Variants in SLC24A2 observed in about 807,000 individuals in gnomAD.
SLC24A2 encodes solute carrier family 24 member 2.
In SLC24A2, 36 loss-of-function variants were observed where a neutral mutation model predicts 62.0. The observed-to-expected ratio is 0.58, with a 90% CI of 0.44 to 0.77. SLC24A2 has a LOEUF of 0.77. Ranked by LOEUF, SLC24A2 falls within the 30% of genes least tolerant of loss-of-function variation. The pLI is 0.00. For synonymous variants in SLC24A2, 358 were observed against 294.0 expected, an observed-to-expected ratio of 1.22 and a Z score of -2.23; for missense variants, 846 against 817.9, an observed-to-expected ratio of 1.03 and a Z score of -0.42.
At chr9:19,773,889 G>T (rs1297472867) in intron 2 of SLC24A2, among the ~76,000 whole-genome samples, 2 of 152,226 alleles carry the variant, frequency 1.3e-5, no homozygotes, top group Non-Finnish European at 2.9e-5. Context: ...GCAAGGTTTA[G>T]TTTCAGAGAT....
the SLC24A2 span, among the ~76,000 whole-genome samples, chr9:20,289,879 T>C: frequency 1.3e-5 from 2 of 152,252 alleles, no homozygotes; most frequent in Admixed American, 1.3e-4. Context: ...ATTGGAATTT[T>C]TTCCTACGCT....
the SLC24A2 span, among the ~76,000 whole-genome samples, chr9:20,193,373 C>G: frequency 6.6e-6 from 1 of 152,058 alleles, no homozygotes; most frequent in Non-Finnish European, 1.5e-5. Flanking sequence ...ATTCTCCCAG[C>G]TTCCCTTTAA....
At chr9:19,731,541 G>C in intron 2 of SLC24A2, among the ~76,000 whole-genome samples, 1 of 126,954 alleles carries the variant, frequency 7.9e-6, no homozygotes, top group Admixed American at 8.7e-5. Context: ...GTGTGTGTGT[G>C]TGCATGTGTG....
At chr9:20,283,220 C>T in the SLC24A2 span, among the ~76,000 whole-genome samples, 2 of 152,188 alleles carry the variant, frequency 1.3e-5, no homozygotes, top group African/African-American at 4.8e-5. Flanking sequence ...TAGTTATTGG[C>T]CATGTGTATT....
Position 19,786,426 on chromosome 9 carries a change from T to C in SLC24A2, c.441A>G (p.Ile147Met), listed in dbSNP as rs1360613604. The change falls in exon 2 of 11, where the codon ATA becomes ATG. Residue 147 changes from isoleucine (I) to methionine (M), a missense_variant. By Grantham distance (10) the Ile-to-Met change is conservative. Transcript: ENST00000341998. This position sits in a 1 kb window ranked among gnomAD's most constrained non-coding sequence, Gnocchi z 5.0. The part of the protein sequence containing the change: ...LHVIGMIYMF[I>M]ALAIVCDEFF... ...ACTCATCACAGACAATGGCTAAGGC[T>C]ATGAACATGTAGATCATTCCAATGA... 1 of 1,614,170 alleles carries C rather than the reference T, an allele frequency of 6.2e-7. No homozygotes were observed. The highest frequency in any genetic ancestry group is 1.1e-5 in the South Asian group (1 of 91,086).
chr9:20,108,859 T>C, the SLC24A2 span, among the ~76,000 whole-genome samples: 1 of 151,730 alleles, frequency 6.6e-6, no homozygotes, highest in Admixed American at 6.6e-5. Context: ...AATAATAAAA[T>C]TAAGAAAAAA....
chr9:20,054,464 T>G, the SLC24A2 span, among the ~76,000 whole-genome samples: 703 of 152,332 alleles, frequency 4.6e-3, 9 homozygotes, highest in African/African-American at 0.016. Flanking sequence ...AGTGCTGGAA[T>G]TACAGGCGTG....
chr9:20,124,808 A>G, the SLC24A2 span, among the ~76,000 whole-genome samples: 2 of 152,220 alleles, frequency 1.3e-5, no homozygotes, highest in African/African-American at 4.8e-5. Flanking sequence ...AGTATAATCA[A>G]CAGAGGCTTT....
the SLC24A2 span, among the ~76,000 whole-genome samples, chr9:19,901,312 G>C: frequency 1.3e-5 from 2 of 152,152 alleles, no homozygotes; most frequent in Admixed American, 6.5e-5. Context: ...GTACACAGTA[G>C]GCAGCATTGC....
chr9:19,850,978 T>TACATATATATATATATATAC, the SLC24A2 span, among the ~76,000 whole-genome samples: 5 of 43,976 alleles, frequency 1.1e-4, no homozygotes, highest in African/African-American at 4.9e-4. Context: ...TATATATATA[T>TACATATATATATATATATAC]ATATATGTAT....
the SLC24A2 span, among the ~76,000 whole-genome samples, chr9:20,154,772 C>T: frequency 1.3e-5 from 2 of 151,638 alleles, no homozygotes; most frequent in African/African-American, 4.8e-5. Context: ...CAGATTGATG[C>T]AGTAACTCAA....
the SLC24A2 span, among the ~76,000 whole-genome samples, chr9:19,831,269 C>G: frequency 1.1e-4 from 16 of 152,330 alleles, no homozygotes; most frequent in Non-Finnish European, 1.8e-4. Context: ...GTACCTTATG[C>G]ATTGTAGTCT....
At chr9:19,551,627 C>G (rs888125169) in intron 7 of SLC24A2, among the ~76,000 whole-genome samples, 4 of 152,182 alleles carry the variant, frequency 2.6e-5, no homozygotes, top group African/African-American at 9.7e-5. Context: ...AGCTCCTACC[C>G]CTGGGGCTCT....
At chr9:19,760,619 T>C (rs1822291411) in intron 2 of SLC24A2, among the ~76,000 whole-genome samples, 1 of 151,740 alleles carries the variant, frequency 6.6e-6, no homozygotes, top group South Asian at 2.1e-4. Context: ...ATGTGGTGTT[T>C]GGTTTTCTGT....
chr9:19,680,488 G>T (rs1819688234), intron 2 of SLC24A2, among the ~76,000 whole-genome samples: 1 of 151,614 alleles, frequency 6.6e-6, no homozygotes, highest in Non-Finnish European at 1.5e-5. Flanking sequence ...CTGTTGACAA[G>T]GTTCAGCTGA....
the SLC24A2 span, among the ~76,000 whole-genome samples, chr9:19,920,917 A>G: frequency 6.6e-6 from 1 of 152,178 alleles, no homozygotes; most frequent in African/African-American, 2.4e-5. Flanking sequence ...TGTGACCCTG[A>G]GCAAGTTATT....
At chr9:20,138,706 C>A in the SLC24A2 span, among the ~76,000 whole-genome samples, 1 of 152,156 alleles carries the variant, frequency 6.6e-6, no homozygotes, top group East Asian at 1.9e-4. Context: ...TCTCAGGGAA[C>A]TAAGGTTTCA....
the SLC24A2 span, among the ~76,000 whole-genome samples, chr9:20,265,164 G>A: frequency 2.6e-5 from 4 of 152,246 alleles, no homozygotes; most frequent in African/African-American, 9.6e-5. Context: ...TCCTCATCAT[G>A]TGAGGATTAG....
chr9:19,925,402 A>C, the SLC24A2 span, among the ~76,000 whole-genome samples: 2 of 152,158 alleles, frequency 1.3e-5, no homozygotes, highest in East Asian at 3.9e-4. Flanking sequence ...TACATGTGAA[A>C]ATTTTGGCAT....
Sources: gnomAD v4.1 joint callset for allele counts (sites outside exome capture counted in the v4.1 genomes callset) on GRCh38, gnomAD v4.1.1 for gene constraint, Gnocchi (gnomAD v3.1) non-coding constraint, MANE v1.5 for transcripts, NCBI Gene and HGNC (gene_info 2026-07-23, HGNC 2026-07-21) for gene names.